SLC24A2: variants seen among roughly 807,000 people sequenced by gnomAD.
SLC24A2 encodes sodium/potassium/calcium exchanger 2.
In SLC24A2, 36 loss-of-function variants were observed where a neutral mutation model predicts 62.0. The observed-to-expected ratio is 0.58, with a 90% CI of 0.44 to 0.77. The LOEUF (loss-of-function observed/expected upper bound fraction) is 0.77, where lower values mean the gene tolerates loss of function less well. SLC24A2 is among the 30% of genes least tolerant of loss of function. The pLI is 0.00. For synonymous variants in SLC24A2, 358 were observed against 294.0 expected (o/e 1.22, Z -2.23); for missense variants, 846 against 817.9 (o/e 1.03, Z -0.42).
the SLC24A2 span, among the ~76,000 whole-genome samples, chr9:20,136,013 G>A: frequency 3.3e-5 from 5 of 152,200 alleles, no homozygotes; most frequent in African/African-American, 9.6e-5. Context: ...GCTGGTGGCT[G>A]GGCATTGGGA....
At chr9:20,200,267 C>A in the SLC24A2 span, among the ~76,000 whole-genome samples, 1 of 152,188 alleles carries the variant, frequency 6.6e-6, no homozygotes, top group Non-Finnish European at 1.5e-5. Context: ...CAGTGCCAAA[C>A]ACTGCGGGAC....
At chr9:19,557,334 T>TA (rs1198314493) in intron 7 of SLC24A2, among the ~76,000 whole-genome samples, 2 of 152,194 alleles carry the variant, frequency 1.3e-5, no homozygotes, top group Non-Finnish European at 2.9e-5. Flanking sequence ...AAGAGGAAAT[T>TA]ACAGGAAAGA....
intron 5 of SLC24A2, among the ~76,000 whole-genome samples, chr9:19,591,140 C>G (rs1426046989): frequency 1.3e-5 from 2 of 152,116 alleles, no homozygotes; most frequent in African/African-American, 4.8e-5. Flanking sequence ...AGTTCTGTAG[C>G]TTTTAAATAA....
At chr9:19,891,154 G>T in the SLC24A2 span, among the ~76,000 whole-genome samples, 1 of 152,116 alleles carries the variant, frequency 6.6e-6, no homozygotes, top group Admixed American at 6.5e-5. Flanking sequence ...CTCCATTACT[G>T]TAGCTGTCAC....
the SLC24A2 span, among the ~76,000 whole-genome samples, chr9:20,227,762 A>G: frequency 2.0e-5 from 3 of 152,148 alleles, no homozygotes; most frequent in Non-Finnish European, 4.4e-5. Flanking sequence ...GTTATTGCCT[A>G]AAGTTTTCCC....
At chr9:20,154,787 C>T in the SLC24A2 span, among the ~76,000 whole-genome samples, 2 of 151,680 alleles carry the variant, frequency 1.3e-5, no homozygotes, top group Non-Finnish European at 2.9e-5. Flanking sequence ...ACTCAACAAC[C>T]TCAGGGATCC....
intron 2 of SLC24A2, among the ~76,000 whole-genome samples, chr9:19,687,026 G>A (rs1819902693): frequency 6.6e-6 from 1 of 152,082 alleles, no homozygotes; most frequent in African/African-American, 2.4e-5. Context: ...GTGAACACGG[G>A]AACAGAAAAC....
intron 2 of SLC24A2, among the ~76,000 whole-genome samples, chr9:19,771,742 T>C (rs1822696465): frequency 6.6e-6 from 1 of 152,242 alleles, no homozygotes; most frequent in Non-Finnish European, 1.5e-5. Flanking sequence ...GCCCTCGGAA[T>C]GTGCACATTA....
intron 2 of SLC24A2, among the ~76,000 whole-genome samples, chr9:19,671,479 A>G (rs1819414237): frequency 6.6e-6 from 1 of 152,084 alleles, no homozygotes; most frequent in South Asian, 2.1e-4. Context: ...TTCTCTAGGT[A>G]TATGATCATA....
At chr9:20,106,754 CA>C in the SLC24A2 span, among the ~76,000 whole-genome samples, 1 of 152,116 alleles carries the variant, frequency 6.6e-6, no homozygotes, top group Non-Finnish European at 1.5e-5. Context: ...ACTGAATGGA[CA>C]AAAACTGGAA....
At chr9:19,613,452 G>A (rs1376595653) in intron 4 of SLC24A2, among the ~76,000 whole-genome samples, 1 of 152,138 alleles carries the variant, frequency 6.6e-6, no homozygotes, top group African/African-American at 2.4e-5. Flanking sequence ...AGGACATGAA[G>A]GTGGAGAGAG....
At chr9:19,951,226 TTG>T in the SLC24A2 span, among the ~76,000 whole-genome samples, 41,424 of 145,686 alleles carry the variant, frequency 0.28, 5,733 homozygotes, top group South Asian at 0.38. Flanking sequence ...TTTTCTTAAG[TTG>T]TGTGTGTGTG....
At chr9:19,533,121 A>T (rs1172697782) in intron 8 of SLC24A2, among the ~76,000 whole-genome samples, 1 of 152,208 alleles carries the variant, frequency 6.6e-6, no homozygotes, top group African/African-American at 2.4e-5. Flanking sequence ...AAGCAGAAAT[A>T]AAAGCTAGTG....
chr9:19,956,876 A>G, the SLC24A2 span, among the ~76,000 whole-genome samples: 1 of 152,164 alleles, frequency 6.6e-6, no homozygotes, highest in Admixed American at 6.5e-5. Context: ...CCTCTCTCGT[A>G]CCTTTTGTCA....
intron 5 of SLC24A2, among the ~76,000 whole-genome samples, chr9:19,595,966 C>T (rs527884788): frequency 4.9e-4 from 75 of 152,266 alleles, no homozygotes; most frequent in African/African-American, 1.7e-3. Context: ...TGTCATTGGA[C>T]CTCTTGCTGC....
At chr9:20,119,131 A>G in the SLC24A2 span, among the ~76,000 whole-genome samples, 1 of 152,132 alleles carries the variant, frequency 6.6e-6, no homozygotes, top group Non-Finnish European at 1.5e-5. Flanking sequence ...CAATTGTACA[A>G]CTGTAAGATA....
the SLC24A2 span, among the ~76,000 whole-genome samples, chr9:19,855,803 C>G: frequency 6.6e-6 from 1 of 152,188 alleles, no homozygotes; most frequent in African/African-American, 2.4e-5. Context: ...CCAGGATTCT[C>G]TGGAATTCCT....
At chr9:20,098,724 G>C in the SLC24A2 span, among the ~76,000 whole-genome samples, 3 of 152,208 alleles carry the variant, frequency 2.0e-5, no homozygotes, top group African/African-American at 7.2e-5. Context: ...GTGATTTCTG[G>C]AGAATCCATG....
At chr9:20,131,137 GC>G in the SLC24A2 span, among the ~76,000 whole-genome samples, 1 of 151,260 alleles carries the variant, frequency 6.6e-6, no homozygotes, top group Admixed American at 6.6e-5. Flanking sequence ...AGCAGGGCTT[GC>G]TTTTCAAAGA....
Sources: gnomAD v4.1 joint callset for allele counts (sites outside exome capture counted in the v4.1 genomes callset) on GRCh38, gnomAD v4.1.1 for gene constraint, MANE v1.5 for transcripts, NCBI Gene and HGNC (gene_info 2026-07-23, HGNC 2026-07-21) for gene names.